Variants in ZNF148 observed in about 807,000 individuals in gnomAD.
ZNF148 encodes the protein Beta-Enolase Repressor Factor-1.
ZNF148 carries 7 observed loss-of-function variants against 67.7 expected under a neutral mutation model. The ratio of observed to expected loss-of-function variants is 0.10; its 90% confidence interval spans 0.06 to 0.19. The LOEUF is 0.19. Among genes scored for constraint, ZNF148 ranks in the 10% least tolerant of loss-of-function variants. The pLI is 1.00. For synonymous variants in ZNF148, 333 were observed against 330.7 expected (o/e 1.01, Z -0.08); for missense variants, 583 against 947.1 (o/e 0.62, Z 5.05).
chr3:125,362,624 A>G (rs1254685906), intron 1 of ZNF148, among the ~76,000 whole-genome samples: 1 of 150,670 alleles, frequency 6.6e-6, no homozygotes, highest in African/African-American at 2.4e-5. Flanking sequence ...GTTCAATACC[A>G]GCTCACTGCA....
chr3:125,283,036 AAG>A (rs1938474264), intron 5 of ZNF148, among the ~76,000 whole-genome samples: 1 of 152,160 alleles, frequency 6.6e-6, no homozygotes, highest in African/African-American at 2.4e-5. Context: ...CTAATTAGAT[AAG>A]AGAGTTTACA....
At chr3:125,260,820 TA>T (rs931969909) in intron 7 of ZNF148, among the ~76,000 whole-genome samples, 16 of 152,348 alleles carry the variant, frequency 1.1e-4, no homozygotes, top group African/African-American at 3.8e-4. Flanking sequence ...AGATTTAAAC[TA>T]CCTATACATA....
intron 1 of ZNF148, among the ~76,000 whole-genome samples, chr3:125,359,068 G>C (rs1229484134): frequency 6.6e-6 from 1 of 152,120 alleles, no homozygotes; most frequent in African/African-American, 2.4e-5. Flanking sequence ...CCTCAACAAG[G>C]TCCAGTCTGA....
At chr3:125,335,780 GAC>G (rs1941465361) in intron 1 of ZNF148, among the ~76,000 whole-genome samples, 1 of 152,172 alleles carries the variant, frequency 6.6e-6, no homozygotes, top group Non-Finnish European at 1.5e-5. Flanking sequence ...ATTTCATGTA[GAC>G]AGTTTCTACT....
intron 1 of ZNF148, among the ~76,000 whole-genome samples, chr3:125,337,301 A>C (rs990841227): frequency 6.6e-6 from 1 of 152,204 alleles, no homozygotes; most frequent in Non-Finnish European, 1.5e-5. Context: ...TACAAAAATA[A>C]GCATTTTATA....
chr3:125,308,298 T>C (rs1940000566), intron 4 of ZNF148, among the ~76,000 whole-genome samples: 1 of 152,168 alleles, frequency 6.6e-6, no homozygotes, highest in Non-Finnish European at 1.5e-5. Flanking sequence ...CCATTTATGA[T>C]AGCATCCAAC....
chr3:125,355,001 G>A (rs1041986208), intron 1 of ZNF148, among the ~76,000 whole-genome samples: 1 of 152,184 alleles, frequency 6.6e-6, no homozygotes, highest in Admixed American at 6.5e-5. Flanking sequence ...AAGAAGTAGA[G>A]GTAATAAGAG....
rs190424781 is a variant in ZNF148 at position 125,296,916 on chromosome 3, A to G, written c.334-8688T>C. Among the ~76,000 whole-genome samples the G allele has an allele frequency of 8.9e-4, 136 of 152,200 alleles. 1 individual carries two copies. Among genetic ancestry groups the G allele is most frequent in the African/African-American group, 3.2e-3 (133 of 41,554 alleles). ...ATTTTATACAAACACAAATATAGAC[A>G]CAGCAAATTTTATGCAAACACACCA... On this transcript the variant is annotated intron_variant, in intron 4 of 8. Coordinates refer to ENST00000360647, the MANE Select transcript of ZNF148 (RefSeq NM_021964.3).
intron 1 of ZNF148, among the ~76,000 whole-genome samples, chr3:125,372,540 C>T (rs1481671595): frequency 3.3e-5 from 5 of 152,118 alleles, no homozygotes; most frequent in Non-Finnish European, 7.4e-5. Context: ...TACTTGGAGA[C>T]ATGGAAAAAA....
chr3:125,288,859 T>C (rs532100231), intron 4 of ZNF148, among the ~76,000 whole-genome samples: 207 of 152,336 alleles, frequency 1.4e-3, no homozygotes, highest in Non-Finnish European at 2.6e-3. Context: ...AATTTTAGGC[T>C]GCTACACTGT....
chr3:125,271,090 A>T (rs570370995), intron 7 of ZNF148, among the ~76,000 whole-genome samples: 2 of 152,352 alleles, frequency 1.3e-5, no homozygotes, highest in South Asian at 4.1e-4. Flanking sequence ...TATAATTAAC[A>T]GTAACTTATT....
At chr3:125,256,431 C>G (rs1486363833) in intron 7 of ZNF148, among the ~76,000 whole-genome samples, 2 of 151,602 alleles carry the variant, frequency 1.3e-5, no homozygotes, top group African/African-American at 2.4e-5. Flanking sequence ...AATCCCAGCA[C>G]TTTGGGAGGT....
intron 7 of ZNF148, among the ~76,000 whole-genome samples, chr3:125,267,912 C>T (rs1937570500): frequency 6.6e-6 from 1 of 151,932 alleles, no homozygotes; most frequent in Non-Finnish European, 1.5e-5. Context: ...CATTTCTATA[C>T]ACCAATAACA....
chr3:125,290,543 AAAGT>A (rs1321428171), intron 4 of ZNF148, among the ~76,000 whole-genome samples: 2 of 152,182 alleles, frequency 1.3e-5, no homozygotes, highest in Admixed American at 6.6e-5. Context: ...TTGATATTTT[AAAGT>A]AAGATACTCT....
intron 2 of ZNF148, among the ~76,000 whole-genome samples, chr3:125,329,392 C>T (rs1329084552): frequency 6.9e-6 from 1 of 143,952 alleles, no homozygotes; most frequent in South Asian, 2.2e-4. Flanking sequence ...GACAGAGTCT[C>T]GCTCTGTCGC....
At chr3:125,266,938 G>C (rs998418267) in intron 7 of ZNF148, among the ~76,000 whole-genome samples, 1 of 151,998 alleles carries the variant, frequency 6.6e-6, no homozygotes, top group African/African-American at 2.4e-5. Context: ...ACACAAACTA[G>C]AAAATCTAGA....
chr3:125,332,555 T>C (rs1013456289), intron 1 of ZNF148, among the ~76,000 whole-genome samples: 5 of 152,218 alleles, frequency 3.3e-5, no homozygotes, highest in Admixed American at 2.6e-4. Flanking sequence ...TTTAAGAGTA[T>C]ATTTTTGTAA....
At chr3:125,363,888 A>G (rs1673349919) in intron 1 of ZNF148, among the ~76,000 whole-genome samples, 1 of 152,084 alleles carries the variant, frequency 6.6e-6, no homozygotes, top group South Asian at 2.1e-4. Context: ...AGCTCAAGCA[A>G]TCTGCCTGCC....
chr3:125,263,041 G>A (rs1367566001), intron 7 of ZNF148, among the ~76,000 whole-genome samples: 1 of 152,066 alleles, frequency 6.6e-6, no homozygotes, highest in Non-Finnish European at 1.5e-5. Flanking sequence ...ATCCACTTCA[G>A]TTTATATTAA....
Sources: allele counts gnomAD v4.1 joint callset (sites outside exome capture counted in the v4.1 genomes callset), GRCh38; gene constraint gnomAD v4.1.1; transcripts MANE v1.5; gene names NCBI Gene and HGNC (gene_info 2026-07-23, HGNC 2026-07-21).